Variants in EFHD1 observed in about 807,000 individuals in gnomAD.
EFHD1 encodes the protein EF-hand domain-containing protein D1.
In EFHD1, 10 loss-of-function variants were observed where a neutral mutation model predicts 17.2. The observed-to-expected ratio is 0.58, with a 90% CI of 0.36 to 0.99. The LOEUF (loss-of-function observed/expected upper bound fraction) is 0.99, where lower values mean the gene tolerates loss of function less well. Ranked by LOEUF, EFHD1 falls within the 50% of genes least tolerant of loss-of-function variation. The pLI is 0.01. For synonymous variants in EFHD1, 153 were observed against 142.0 expected (o/e 1.08, Z -0.55); for missense variants, 310 against 327.5 (o/e 0.95, Z 0.41).
chr2:232,676,032 C>T (rs1488987874), intron 3 of EFHD1, among the ~76,000 whole-genome samples: 6 of 152,108 alleles, frequency 3.9e-5, no homozygotes, highest in South Asian at 2.1e-4. Flanking sequence ...AAAAATTAGC[C>T]GGGCATGGTG....
chr2:232,634,190 GA>G (rs1351140003), intron 1 of EFHD1, among the ~76,000 whole-genome samples, 184 bp downstream of exon 1: 1 of 152,142 alleles, frequency 6.6e-6, no homozygotes, highest in Admixed American at 6.5e-5. Context: ...CGGGGCCGAA[GA>G]GGGGGGACAC....
At chr2:232,614,890 C>T (rs975786005) in intron 1 of EFHD1, among the ~76,000 whole-genome samples, 1 of 152,126 alleles carries the variant, frequency 6.6e-6, no homozygotes, top group Admixed American at 6.6e-5. Flanking sequence ...GCAGGAGGAT[C>T]GCTTGAGCCC....
intron 1 of EFHD1, among the ~76,000 whole-genome samples, chr2:232,647,989 C>T (rs568872812): frequency 7.9e-5 from 12 of 152,212 alleles, no homozygotes; most frequent in South Asian, 2.1e-4. Context: ...CCTGTAGTCC[C>T]GGCACTTTGG....
At chr2:232,627,871 TGTTA>T (rs1377998069) in intron 1 of EFHD1, among the ~76,000 whole-genome samples, 2 of 152,138 alleles carry the variant, frequency 1.3e-5, no homozygotes, top group African/African-American at 4.8e-5. Context: ...TTTTTTTGTT[TGTTA>T]TTTTTTTGTA....
At chr2:232,662,754 C>G (rs1309559327) in intron 1 of EFHD1, 48 bp from the exon 2 acceptor site, 2 of 1,550,644 alleles carry the variant, frequency 1.3e-6, no homozygotes, top group South Asian at 1.2e-5. Context: ...GTTTCGGAGA[C>G]TAACGAGTGT....
At chr2:232,607,172 T>A (rs1338345750) in intron 1 of EFHD1, among the ~76,000 whole-genome samples, 1 of 151,896 alleles carries the variant, frequency 6.6e-6, no homozygotes, top group Admixed American at 6.6e-5. Context: ...TATTTCTAAA[T>A]GGCTCATGCC....
At chr2:232,678,370 G>A (rs972596114) in intron 3 of EFHD1, among the ~76,000 whole-genome samples, 2 of 152,102 alleles carry the variant, frequency 1.3e-5, no homozygotes, top group African/African-American at 2.4e-5. Context: ...AAAATGTTGC[G>A]ATCATAGGTT....
In EFHD1 at chr2:232,633,930, A is replaced by G. The variant is rs932691280; in HGVS notation, c.226A>G (p.Arg76Gly). 4 of 1,592,902 alleles carry G rather than the reference A, an allele frequency of 2.5e-6. No homozygotes were observed. Among genetic ancestry groups the G allele is most frequent in the Admixed American group, 1.7e-5 (1 of 59,792 alleles). The change falls in exon 1 of 4, where the codon AGG (arginine) becomes GGG (glycine). Residue 76 changes from arginine (R) to glycine (G), a missense_variant. Arg to Gly is a moderately radical substitution (Grantham distance 125, BLOSUM62 -2). Transcript: ENST00000264059. ...NEGAARPRRC[R>G]VFNPYTEFPE... The stretch of plus-strand genomic sequence containing the variant: ...GGGCGCTGCGCGGCCCCGGCGCTGC[A>G]GGGTCTTCAACCCCTACACGGAGTT...
At chr2:232,667,594 C>T (rs1251285015) in intron 2 of EFHD1, among the ~76,000 whole-genome samples, 1 of 151,476 alleles carries the variant, frequency 6.6e-6, no homozygotes, top group African/African-American at 2.4e-5. Flanking sequence ...CTCTTGCTGC[C>T]CAGGCTGGAG....
chr2:232,609,656 C>T (rs1265118815), intron 1 of EFHD1, among the ~76,000 whole-genome samples: 2 of 152,140 alleles, frequency 1.3e-5, no homozygotes, highest in Admixed American at 1.3e-4. Context: ...GAGCCACACT[C>T]AGCCTCTTCC....
chr2:232,677,254 AT>A lies in EFHD1; in HGVS notation c.586-4330del, dbSNP rs1201039486. On this transcript the variant is annotated intron_variant, in intron 3 of 3. Transcript: ENST00000264059. ...CACACACACACACGTACACACACAC[AT>A]CTTTCTATAACACACACATACACAC... Among the ~76,000 whole-genome samples the A allele has an allele frequency of 1.5e-4, 17 of 115,074 alleles. No individual in the cohort carries two copies. In the East Asian group the frequency reaches 1.5e-3, roughly 10 times the overall value. The allele number at this position is 115,074 out of a possible 152,430, so 75.5% of individuals were successfully genotyped here. A position where few individuals can be genotyped will look rare whatever the true frequency, so the allele number is the denominator to read the frequency against.
At chr2:232,606,719 TAAAA>T (rs34085504) in intron 1 of EFHD1, 2 of 101,794 alleles carry the variant, frequency 2.0e-5, no homozygotes, top group Non-Finnish European at 2.0e-5. Flanking sequence ...CCGTCTCTAC[TAAAA>T]AAAAAAAAAA....
At chr2:232,653,531 C>T (rs921925539) in intron 1 of EFHD1, among the ~76,000 whole-genome samples, 1 of 152,196 alleles carries the variant, frequency 6.6e-6, no homozygotes, top group Non-Finnish European at 1.5e-5. Context: ...CTCAAGTGAT[C>T]CGCCCACCTC....
At chr2:232,657,899 C>CTTTT (rs1194396166) in intron 1 of EFHD1, among the ~76,000 whole-genome samples, 11 of 100,650 alleles carry the variant, frequency 1.1e-4, no homozygotes, top group East Asian at 5.1e-4. Flanking sequence ...TCTTTCTTTT[C>CTTTT]TTTTTTTTTT....
In EFHD1 at chr2:232,649,633, G is replaced by C. The variant is rs191964452; in HGVS notation, c.303-13169G>C. ...ACTTTAAAAAAATAGCCTCCTCACC[G>C]ATAGCTTACCTGGGCCTGTGTCCTG... On this transcript the variant is annotated intron_variant, in intron 1 of 3. Transcript: ENST00000264059. 2.6e-4 allele frequency among the ~76,000 whole-genome samples: 40 copies of C among 152,242 alleles called. No homozygotes were observed. In the South Asian group the frequency reaches 8.1e-3, roughly 31 times the overall value.
At chr2:232,639,584 A>G (rs548592283) in intron 1 of EFHD1, among the ~76,000 whole-genome samples, 112 of 152,312 alleles carry the variant, frequency 7.4e-4, no homozygotes, top group African/African-American at 2.6e-3. Context: ...CAACTAGTAT[A>G]TAGGAATACT....
chr2:232,671,050 A>G, intron 2 of EFHD1, among the ~76,000 whole-genome samples: 1 of 152,214 alleles, frequency 6.6e-6, no homozygotes, highest in Middle Eastern at 3.2e-3. Flanking sequence ...TGTTTAAACC[A>G]TTGTAGGAAT....
intron 3 of EFHD1, among the ~76,000 whole-genome samples, chr2:232,677,207 T>TACATACACACAC (rs1695189271): frequency 7.6e-6 from 1 of 131,266 alleles, no homozygotes; most frequent in African/African-American, 3.0e-5. Flanking sequence ...ACCCCATCTC[T>TACATACACACAC]ACACACACAC....
intron 1 of EFHD1, among the ~76,000 whole-genome samples, chr2:232,622,078 C>T (rs1364309264): frequency 6.6e-6 from 1 of 152,210 alleles, no homozygotes; most frequent in African/African-American, 2.4e-5. Flanking sequence ...CGAGGCAAAC[C>T]TTTGAACTTT....
Sources: gnomAD v4.1 joint callset for allele counts (sites outside exome capture counted in the v4.1 genomes callset) on GRCh38, gnomAD v4.1.1 for gene constraint, MANE v1.5 for transcripts, NCBI Gene and HGNC (gene_info 2026-07-23, HGNC 2026-07-21) for gene names.